The following KIAA1217 variants were observed in gnomAD, a reference collection of about 807,000 sequenced individuals.
KIAA1217 encodes the protein sickle tail protein homolog.
In KIAA1217, 88 loss-of-function variants were observed where a neutral mutation model predicts 163.9. The observed-to-expected ratio is 0.54, with a 90% confidence interval of 0.45 to 0.64. The LOEUF (loss-of-function observed/expected upper bound fraction) is 0.64, where lower values mean the gene tolerates loss of function less well. Among genes scored for constraint, KIAA1217 ranks in the 30% least tolerant of loss-of-function variants. KIAA1217 has a pLI of 0.00. For missense variants in KIAA1217, 2,372 were observed against 2,475.0 expected (o/e 0.96, Z 0.88); for synonymous variants, 903 against 923.1 (o/e 0.98, Z 0.39).
chr10:24,352,767 G>C (rs2048613071), intron 2 of KIAA1217, among the ~76,000 whole-genome samples: 1 of 152,140 alleles, frequency 6.6e-6, no homozygotes, highest in African/African-American at 2.4e-5. Context: ...AAAAGAAAGG[G>C]ATTCCTTGCC....
chr10:24,388,940 C>A (rs527693684), intron 3 of KIAA1217, among the ~76,000 whole-genome samples: 13 of 150,428 alleles, frequency 8.6e-5, no homozygotes, highest in African/African-American at 3.2e-4. Flanking sequence ...AATAGGAACA[C>A]TTTTACACTG....
chr10:24,103,587 G>T (rs2062503505), intron 2 of KIAA1217, among the ~76,000 whole-genome samples: 3 of 152,030 alleles, frequency 2.0e-5, no homozygotes, highest in African/African-American at 7.3e-5. Context: ...TGGGCCAAAG[G>T]ACTTAGCAGA....
At chr10:23,727,455 G>A (rs1838227841) in intron 1 of KIAA1217, among the ~76,000 whole-genome samples, 1 of 151,948 alleles carries the variant, frequency 6.6e-6, no homozygotes, top group South Asian at 2.1e-4. Flanking sequence ...AGCTACTTGG[G>A]AGGCTGAGAC....
intron 1 of KIAA1217, among the ~76,000 whole-genome samples, chr10:23,700,658 A>G (rs180772905): frequency 6.6e-6 from 1 of 152,300 alleles, no homozygotes; most frequent in Admixed American, 6.5e-5. Context: ...GCTGTCATCT[A>G]AGTAACTTTG....
chr10:24,539,213 A>G (rs528545650), intron 17 of KIAA1217, among the ~76,000 whole-genome samples: 1 of 152,158 alleles, frequency 6.6e-6, no homozygotes, highest in Admixed American at 6.5e-5. Flanking sequence ...GTCTCATTGT[A>G]GAATTTTTCT....
intron 1 of KIAA1217, among the ~76,000 whole-genome samples, chr10:23,822,931 T>C (rs188383570): frequency 6.6e-6 from 1 of 152,360 alleles, no homozygotes; most frequent in Non-Finnish European, 1.5e-5. Context: ...TTAGCCTAAA[T>C]TAAAGATGAG....
At chr10:24,270,718 A>AT (rs889811428) in intron 2 of KIAA1217, among the ~76,000 whole-genome samples, 8 of 151,442 alleles carry the variant, frequency 5.3e-5, no homozygotes, top group Non-Finnish European at 7.4e-5. Flanking sequence ...TTTTTGTTTT[A>AT]TTTTTTTTAG....
At chr10:24,328,695 C>A (rs1371322820) in intron 2 of KIAA1217, among the ~76,000 whole-genome samples, 2 of 152,062 alleles carry the variant, frequency 1.3e-5, no homozygotes, top group African/African-American at 4.8e-5. Flanking sequence ...AATATCCTCA[C>A]AAACAATGTA....
intron 2 of KIAA1217, among the ~76,000 whole-genome samples, chr10:24,094,883 C>T (rs1211750331): frequency 1.3e-5 from 2 of 152,182 alleles, no homozygotes; most frequent in East Asian, 1.9e-4. Context: ...GTGGTGGGCT[C>T]CACCCAGTTC....
chr10:24,185,807 T>A (rs938980087), intron 2 of KIAA1217, among the ~76,000 whole-genome samples: 1 of 150,344 alleles, frequency 6.7e-6, no homozygotes, highest in African/African-American at 2.4e-5. Context: ...AAAAAAAAAA[T>A]TGCAAAACTT....
At chr10:24,522,462 A>G (rs1458996886) in intron 12 of KIAA1217, among the ~76,000 whole-genome samples, 1 of 152,242 alleles carries the variant, frequency 6.6e-6, no homozygotes, top group Non-Finnish European at 1.5e-5. Context: ...GAAGTAAACA[A>G]AGTCTTTCTT....
chr10:24,495,698 C>A, intron 8 of KIAA1217, among the ~76,000 whole-genome samples: 1 of 152,140 alleles, frequency 6.6e-6, no homozygotes. Flanking sequence ...AAAGTGAAGC[C>A]ATCGGAAGGT....
At chr10:24,535,080 G>T (rs1392126860) in intron 16 of KIAA1217, among the ~76,000 whole-genome samples, 1 of 152,132 alleles carries the variant, frequency 6.6e-6, no homozygotes, top group African/African-American at 2.4e-5. Context: ...CCCTTCTAAG[G>T]ACAGTTGTGG....
chr10:23,994,877 G>A (rs1174070128), intron 1 of KIAA1217, among the ~76,000 whole-genome samples: 1 of 152,128 alleles, frequency 6.6e-6, no homozygotes, highest in Non-Finnish European at 1.5e-5. Flanking sequence ...TTTGCTGGGA[G>A]CATGTCATCA....
intron 2 of KIAA1217, among the ~76,000 whole-genome samples, chr10:24,199,867 GA>G (rs67008071): frequency 0.062 from 9,501 of 152,150 alleles, 403 homozygotes; most frequent in Middle Eastern, 0.088. Context: ...TTTATATTTG[GA>G]AGTAAGGAAA....
intron 1 of KIAA1217, among the ~76,000 whole-genome samples, chr10:23,844,561 T>C (rs1838931104): frequency 6.6e-6 from 1 of 152,154 alleles, no homozygotes; most frequent in Non-Finnish European, 1.5e-5. Context: ...GTTACCTTTG[T>C]AAGAATTTAG....
intron 2 of KIAA1217, among the ~76,000 whole-genome samples, chr10:24,282,169 A>G (rs1057394401): frequency 2.6e-5 from 4 of 151,594 alleles, no homozygotes; most frequent in Non-Finnish European, 5.9e-5. Flanking sequence ...AGGGTTCAAG[A>G]CCAGCCTGGG....
intron 1 of KIAA1217, among the ~76,000 whole-genome samples, chr10:23,958,446 G>A (rs979123350): frequency 2.0e-5 from 3 of 152,182 alleles, no homozygotes; most frequent in African/African-American, 7.2e-5. Flanking sequence ...GAATGATCCA[G>A]ATGAAAAATA....
At chr10:23,747,985 A>G (rs376456367) in intron 1 of KIAA1217, among the ~76,000 whole-genome samples, 1 of 152,198 alleles carries the variant, frequency 6.6e-6, no homozygotes, top group East Asian at 1.9e-4. Context: ...AGCTCAGTGA[A>G]TTCAAACCTG....
Sources: gnomAD v4.1 joint callset for allele counts (sites outside exome capture counted in the v4.1 genomes callset) on GRCh38, gnomAD v4.1.1 for gene constraint, MANE v1.5 for transcripts, NCBI Gene and HGNC (gene_info 2026-07-23, HGNC 2026-07-21) for gene names.